Variants in ARID1B observed in about 807,000 individuals in gnomAD.
ARID1B encodes the protein AT-rich interactive domain-containing protein 1B.
ARID1B carries 30 observed loss-of-function variants against 212.3 expected under a neutral mutation model. The ratio of observed to expected loss-of-function variants is 0.14; its 90% confidence interval spans 0.11 to 0.19. The LOEUF (loss-of-function observed/expected upper bound fraction) is 0.19, where lower values mean the gene tolerates loss of function less well. Ranked by LOEUF, ARID1B falls within the 10% of genes least tolerant of loss-of-function variation. The probability of loss-of-function intolerance (pLI) is 1.00; values close to 1 mark genes in which losing one functional copy is unlikely to be tolerated. For missense variants in ARID1B, 2,891 were observed against 3,204.0 expected (o/e 0.90, Z 2.36); for synonymous variants, 1,402 against 1,301.7 (o/e 1.08, Z -1.66).
chr6:156,813,808 C>T lies in ARID1B; in HGVS notation c.1792-15419C>T, dbSNP rs924446280. On this transcript the variant is annotated intron_variant, in intron 1 of 19. Transcript: ENST00000636930. ...CAGCGCTTTGCAGACATTACCTTAT[C>T]AATACTTAGGGCATCCTTGTGAGCC... Among the ~76,000 whole-genome samples the T allele has an allele frequency of 2.0e-5, 3 of 152,252 alleles. No homozygotes were observed. The South Asian group carries it at 6.2e-4, about 32-fold the overall frequency.
At chr6:156,875,015 T>C (rs375156762) in intron 2 of ARID1B, among the ~76,000 whole-genome samples, 2 of 152,220 alleles carry the variant, frequency 1.3e-5, no homozygotes, top group Non-Finnish European at 2.9e-5. Context: ...TATTTGACTT[T>C]AGTTAACATA....
At chr6:156,856,939 T>A (rs1246939659) in intron 2 of ARID1B, among the ~76,000 whole-genome samples, 2 of 152,166 alleles carry the variant, frequency 1.3e-5, no homozygotes, top group African/African-American at 4.8e-5. Flanking sequence ...ATGGGCTATC[T>A]GACCTCACTC....
chr6:156,897,613 C>G (rs947156042), intron 2 of ARID1B, among the ~76,000 whole-genome samples: 8 of 150,786 alleles, frequency 5.3e-5, no homozygotes, highest in Non-Finnish European at 8.8e-5. Flanking sequence ...ATGTTCTGAT[C>G]TGAGGCATTT....
chr6:156,811,665 C>A (rs1781561111), intron 1 of ARID1B, among the ~76,000 whole-genome samples: 1 of 152,196 alleles, frequency 6.6e-6, no homozygotes, highest in Admixed American at 6.5e-5. Context: ...CCTGGTCTCT[C>A]TTCTTATAAG....
chr6:157,114,523 C>CA (rs111845551), intron 6 of ARID1B, among the ~76,000 whole-genome samples: 1,761 of 50,312 alleles, frequency 0.035, 211 homozygotes, highest in East Asian at 0.097. Flanking sequence ...CACTCCGTCT[C>CA]AAAAAAAAAA....
intron 4 of ARID1B, chr6:156,984,980 C>T (rs963342094): frequency 2.0e-5 from 3 of 152,226 alleles, no homozygotes. Context: ...AAGTGAGAGC[C>T]ACTGCACCTG....
chr6:157,153,389 C>G (rs922208173), intron 8 of ARID1B, among the ~76,000 whole-genome samples: 1 of 152,152 alleles, frequency 6.6e-6, no homozygotes, highest in Non-Finnish European at 1.5e-5. Flanking sequence ...CACTGATACC[C>G]TTTTTATCTG....
chr6:156,961,392 A>C (rs1205442886), intron 4 of ARID1B, among the ~76,000 whole-genome samples: 1 of 152,200 alleles, frequency 6.6e-6, no homozygotes, highest in Non-Finnish European at 1.5e-5. Context: ...TCAGGCTGTT[A>C]AGGAGGTGGG....
At chr6:156,909,205 G>A (rs541689575) in intron 3 of ARID1B, among the ~76,000 whole-genome samples, 16 of 145,168 alleles carry the variant, frequency 1.1e-4, no homozygotes, top group South Asian at 6.5e-4. Context: ...GGCTCACTGC[G>A]GCATCTGCCT....
chr6:156,975,520 A>T (rs1777166129), intron 4 of ARID1B, among the ~76,000 whole-genome samples: 2 of 151,956 alleles, frequency 1.3e-5, no homozygotes, highest in Admixed American at 1.3e-4. Context: ...ATTTTTAAAA[A>T]TCACTTGTGC....
At chr6:156,864,464 C>A (rs1379524880) in intron 2 of ARID1B, among the ~76,000 whole-genome samples, 1 of 152,112 alleles carries the variant, frequency 6.6e-6, no homozygotes, top group Non-Finnish European at 1.5e-5. Flanking sequence ...TATCTGTAAT[C>A]TTTTCTTTTA....
chr6:156,814,573 C>T (rs1311355980), intron 1 of ARID1B, among the ~76,000 whole-genome samples: 3 of 152,180 alleles, frequency 2.0e-5, no homozygotes, highest in African/African-American at 7.2e-5. Flanking sequence ...CCTTTGAAAA[C>T]AAATTGGCTT....
In ARID1B at chr6:156,823,788, T is replaced by TA. The variant is rs373373328; in HGVS notation, c.1792-5436dup. 3.3e-3 allele frequency among the ~76,000 whole-genome samples: 492 copies of TA among 150,216 alleles called. 6 individuals carry two copies. Among genetic ancestry groups the TA allele is most frequent in the African/African-American group, 0.011 (464 of 40,990 alleles). Reference sequence around the variant, plus strand: ...ATGATATGCATAAAGATGTATCTAATAAACTGTGTTCTTAATTTGATATTT... The same window carrying TA: ...ATGATATGCATAAAGATGTATCTAATAAAACTGTGTTCTTAATTTGATATTT... On this transcript the variant is annotated intron_variant, in intron 1 of 19. Transcript: ENST00000636930.
At position 156,901,897 on chromosome 6, in the gene ARID1B, G is replaced by A. The variant is rs145901468; in HGVS notation, c.2136+372G>A. On this transcript the variant is annotated intron_variant, in intron 3 of 19. Transcript: ENST00000636930. ...ATCATTTAATCCTTCTAGTTGGCAC[G>A]TGCATGGTATTTTTATCTTGACCTT... 4.0e-3 allele frequency: 905 copies of A among 226,754 alleles called. 2 individuals are homozygous for A. Among genetic ancestry groups the A allele is most frequent in the Non-Finnish European group, 4.8e-3 (556 of 115,168 alleles). The allele number at this position is 226,754 out of a possible 1,614,324, so 14.0% of individuals were successfully genotyped here.
intron 1 of ARID1B, among the ~76,000 whole-genome samples, chr6:156,811,520 AG>A (rs1466453432): frequency 4.6e-5 from 7 of 152,148 alleles, no homozygotes; most frequent in African/African-American, 1.4e-4. Flanking sequence ...GGTGCTGGCA[AG>A]GTAGTTTTCA....
intron 11 of ARID1B, 40 bp downstream of exon 11, chr6:157,175,045 GT>G: frequency 7.5e-7 from 1 of 1,326,008 alleles, no homozygotes; most frequent in Non-Finnish European, 9.8e-7. Context: ...TTTGTTTTTT[GT>G]TTTTTTGGGG....
chr6:156,987,117 G>C (rs1053580693), intron 4 of ARID1B, among the ~76,000 whole-genome samples: 1 of 151,568 alleles, frequency 6.6e-6, no homozygotes, highest in African/African-American at 2.4e-5. Context: ...GGTCCAGGCT[G>C]CAGTGAGCTG....
At chr6:157,129,680 A>T (rs994789466) in intron 6 of ARID1B, among the ~76,000 whole-genome samples, 47 of 152,222 alleles carry the variant, frequency 3.1e-4, no homozygotes, top group Admixed American at 3.1e-3. Context: ...TGGAAACTCC[A>T]TCTCCTTTTT....
At chr6:157,037,642 C>T (rs531811155) in intron 4 of ARID1B, among the ~76,000 whole-genome samples, 1 of 152,292 alleles carries the variant, frequency 6.6e-6, no homozygotes, top group Non-Finnish European at 1.5e-5. Flanking sequence ...AGATAACTTT[C>T]TCCTATAAAA....
Sources: gnomAD v4.1 joint callset for allele counts (sites outside exome capture counted in the v4.1 genomes callset) on GRCh38, gnomAD v4.1.1 for gene constraint, MANE v1.5 for transcripts, NCBI Gene and HGNC (gene_info 2026-07-23, HGNC 2026-07-21) for gene names.